The following CACNG6 variants were observed in gnomAD, a reference collection of about 807,000 sequenced individuals.
CACNG6 encodes the protein voltage-dependent calcium channel gamma-6 subunit.
A neutral mutation model predicts 23.9 loss-of-function variants in CACNG6; 21 were observed. The ratio of observed to expected loss-of-function variants is 0.88; its 90% CI spans 0.62 to 1.26. CACNG6 has a LOEUF of 1.26. Among genes scored for constraint, CACNG6 ranks in the 50% most tolerant of loss-of-function variants. The pLI, the probability that CACNG6 is intolerant of heterozygous loss-of-function variation, is 0.00. For synonymous variants in CACNG6, 182 were observed against 168.9 expected (o/e 1.08, Z -0.60); for missense variants, 340 against 352.9 (o/e 0.96, Z 0.29).
At chr19:54,009,913 AACTCCG>A (rs2069687002) in intron 3 of CACNG6, among the ~76,000 whole-genome samples, 1 of 150,160 alleles carries the variant, frequency 6.7e-6, no homozygotes. Context: ...GTAAGAGCGA[AACTCCG>A]TCTCAAAAAA....
rs113933127 is a variant in CACNG6 at position 53,998,287 on chromosome 19, G to A, written c.380G>A (p.Arg127His). The A allele has an allele frequency of 3.6e-5, 58 of 1,613,980 alleles. No individual in the cohort carries two copies. The highest frequency in any genetic ancestry group is 1.9e-4 in the African/African-American group (14 of 74,994). The change falls in exon 2 of 4, where the codon CGC (arginine) becomes CAC (histidine). Residue 127 changes from arginine to histidine, a missense_variant. By Grantham distance (29) the Arg-to-His change is conservative (BLOSUM62 0). Transcript: ENST00000252729. ...TTCTTCACCACGGGGGAGAATGCAC[G>A]CATCTTTCAGAGAACCACAAAGAAA... is the stretch of plus-strand genomic sequence containing the variant. ...FKFFTTGENARIFQRTTKKEV... is the reference protein window; with the variant it reads ...FKFFTTGENAHIFQRTTKKEV...
In CACNG6 at chr19:53,992,925, G is replaced by A; in HGVS notation, c.48G>A (p.Gly16=). Residue 16 remains glycine, a synonymous_variant, in exon 1 of 4, where the codon GGG becomes GGA. Transcript: ENST00000252729. The surrounding 1 kb of genome is among the most constrained non-coding windows in gnomAD (Gnocchi z 4.1). Reference sequence around the variant, plus strand: ...TGCAAGAGGAGAACCGGCGGCGGGGGGCCGCGGGCCGGCGGCGGGCGCACG... The same window carrying A: ...TGCAAGAGGAGAACCGGCGGCGGGGAGCCGCGGGCCGGCGGCGGGCGCACG... The part of the protein sequence containing the change: ...FFLQEENRRR[G]AAGRRRAHGQ... 2 of 1,397,896 alleles carry A rather than the reference G, an allele frequency of 1.4e-6. No individual in the cohort carries two copies. The highest frequency in any genetic ancestry group is 2.8e-5 in the East Asian group (1 of 36,106). 86.6% of individuals were successfully genotyped at this position (1,397,896 alleles called of 1,614,324 possible).
intron 1 of CACNG6, among the ~76,000 whole-genome samples, chr19:53,994,634 C>T (rs766504407): frequency 3.3e-5 from 5 of 152,200 alleles, no homozygotes; most frequent in Non-Finnish European, 7.3e-5. Context: ...AAAGACGGTC[C>T]TATCATCCCA....
intron 1 of CACNG6, among the ~76,000 whole-genome samples, chr19:53,995,982 T>A (rs2069517290): frequency 6.6e-6 from 1 of 152,190 alleles, no homozygotes. Flanking sequence ...TACCTCTTGC[T>A]GCTGCATAAG....
At chr19:54,007,992 TG>T (rs1231037264) in intron 3 of CACNG6, among the ~76,000 whole-genome samples, 2 of 152,124 alleles carry the variant, frequency 1.3e-5, no homozygotes, top group Admixed American at 1.3e-4. Context: ...TCTGTAATGT[TG>T]GGCTGCATGG....
chr19:54,011,966 T>C lies in CACNG6; in HGVS notation c.560T>C (p.Val187Ala), dbSNP rs780438713. Residue 187 changes from valine (V) to alanine (A), a missense_variant, in exon 4 of 4, where the codon GTG becomes GCG. Val to Ala is a moderately conservative substitution (Grantham distance 64). Transcript: ENST00000252729. Reference protein sequence around the residue: ...CFGLSGLLLLVSLEVFRHSVR... With the variant: ...CFGLSGLLLLASLEVFRHSVR... ...TCTCCCGCAGGCCTGCTGCTCTTGG[T>C]GAGCCTGGAGGTGTTCCGGCATTCC... 6.5e-7 allele frequency: 1 copy of C among 1,541,172 alleles called. No individual in the cohort carries two copies. The highest frequency in any genetic ancestry group is 2.1e-5 in the Admixed American group (1 of 47,858).
chr19:54,004,103 C>A (rs935171726), intron 3 of CACNG6, among the ~76,000 whole-genome samples: 31 of 152,076 alleles, frequency 2.0e-4, no homozygotes, highest in Non-Finnish European at 4.4e-5. Context: ...GCAGTCCTCT[C>A]GCTTCAGCCT....
At chr19:53,993,377 T>C (rs578197628) in intron 1 of CACNG6, among the ~76,000 whole-genome samples, 169 bp downstream of exon 1, 1 of 152,164 alleles carries the variant, frequency 6.6e-6, no homozygotes, top group East Asian at 1.9e-4. Context: ...TCTCAGAAAC[T>C]GCTGAGAGAT....
intron 3 of CACNG6, among the ~76,000 whole-genome samples, chr19:54,007,786 C>A (rs748829530): frequency 2.0e-5 from 3 of 151,540 alleles, no homozygotes; most frequent in African/African-American, 7.3e-5. Context: ...GTCCCAGCTA[C>A]TCAGGAGGCT....
intron 3 of CACNG6, among the ~76,000 whole-genome samples, chr19:54,004,519 C>G (rs1478868862): frequency 1.3e-5 from 2 of 152,062 alleles, no homozygotes; most frequent in Non-Finnish European, 2.9e-5. Context: ...CGCCTGGCCC[C>G]TAAGTGATAC....
In CACNG6 at chr19:54,004,331, A is replaced by T. The variant is rs574221906; in HGVS notation, c.544+4560A>T. 1.4e-3 allele frequency among the ~76,000 whole-genome samples: 116 copies of T among 84,334 alleles called. 1 individual carries two copies. The highest frequency in any genetic ancestry group is 7.6e-3 in the African/African-American group (108 of 14,220). 55.3% of individuals were successfully genotyped at this position (84,334 alleles called of 152,430 possible). On this transcript the variant is annotated intron_variant, in intron 3 of 3. Coordinates refer to ENST00000252729, the MANE Select transcript of CACNG6 (RefSeq NM_145814.2). ...CGCCACCACGCCTGGTTAATTTTGTATTTTTGTGTGTGTGTGTGTGTGTGT... is the reference window on the plus strand; with the variant it reads ...CGCCACCACGCCTGGTTAATTTTGTTTTTTTGTGTGTGTGTGTGTGTGTGT...
Position 54,011,953 on chromosome 19 carries a change from C to G in CACNG6, c.547C>G (p.Leu183Val), listed in dbSNP as rs1417090152. 3 of 1,516,724 alleles carry G rather than the reference C, an allele frequency of 2.0e-6. No homozygotes were observed. The highest frequency in any genetic ancestry group is 2.6e-6 in the Non-Finnish European group (3 of 1,132,946). 94.0% of individuals were successfully genotyped at this position (1,516,724 alleles called of 1,614,324 possible). The change falls in exon 4 of 4, where the codon CTG (leucine) becomes GTG (valine). Residue 183 changes from leucine to valine, a missense_variant and splice_region_variant. Transcript: ENST00000252729. The stretch of plus-strand genomic sequence containing the variant: ...GCGAGCTGTCCTCTCTCCCGCAGGC[C>G]TGCTGCTCTTGGTGAGCCTGGAGGT... ...VGAVCFGLSG[L>V]LLLVSLEVFR... is the part of the protein sequence containing the mutation.
Position 53,999,893 on chromosome 19 carries a change from C to G in CACNG6, c.544+122C>G. Reference sequence around the variant, plus strand: ...CACGCTCAGAGATGGAATCTCTATGCACTGTTGCATGCTGGGAGTAGGGTC... The same window carrying G: ...CACGCTCAGAGATGGAATCTCTATGGACTGTTGCATGCTGGGAGTAGGGTC... On this transcript the variant is annotated intron_variant, in intron 3 of 3. Transcript: ENST00000252729. 3.2e-6 allele frequency: 4 copies of G among 1,241,954 alleles called. No homozygotes were observed. In the South Asian group the frequency reaches 4.3e-5, roughly 13 times the overall value. 76.9% of individuals were successfully genotyped at this position (1,241,954 alleles called of 1,614,324 possible).
At chr19:54,004,743 G>A (rs538635346) in intron 3 of CACNG6, among the ~76,000 whole-genome samples, 103 of 152,126 alleles carry the variant, frequency 6.8e-4, no homozygotes, top group African/African-American at 2.4e-3. Context: ...GTGTTTTCCC[G>A]GGCTGCCTCC....
At chr19:53,994,832 C>A (rs542055973) in intron 1 of CACNG6, among the ~76,000 whole-genome samples, 1 of 152,258 alleles carries the variant, frequency 6.6e-6, no homozygotes, top group African/African-American at 2.4e-5. Flanking sequence ...AGATGGGCTA[C>A]CCTTGATCAT....
chr19:53,996,607 G>T (rs555204898), intron 1 of CACNG6, among the ~76,000 whole-genome samples: 1 of 152,108 alleles, frequency 6.6e-6, no homozygotes, highest in South Asian at 2.1e-4. Flanking sequence ...TGACAAGGCT[G>T]GTCTCGAACT....
Position 53,998,219 on chromosome 19 carries a change from T to TC in CACNG6, c.332-19dup, listed in dbSNP as rs1196803088. 6.2e-7 allele frequency: 1 copy of TC among 1,610,294 alleles called. No individual in the cohort carries two copies. The highest frequency in any genetic ancestry group is 8.5e-7 in the Non-Finnish European group (1 of 1,176,762). ...GGACCTCACATCCTCATGTCTGTTT[T>TC]CTCTCTCCTGCTCCCACAGAAGCAA... On this transcript the variant is annotated intron_variant, in intron 1 of 3. Coordinates refer to ENST00000252729, the MANE Select transcript of CACNG6 (RefSeq NM_145814.2).
chr19:54,010,880 C>G (rs751176708), intron 3 of CACNG6, among the ~76,000 whole-genome samples: 1 of 152,032 alleles, frequency 6.6e-6, no homozygotes, highest in Non-Finnish European at 1.5e-5. Flanking sequence ...AGCACCCAGC[C>G]TCCTCTTTTA....
chr19:54,002,400 T>A (rs1435668372), intron 3 of CACNG6, among the ~76,000 whole-genome samples: 1 of 150,468 alleles, frequency 6.6e-6, no homozygotes, highest in East Asian at 1.9e-4. Flanking sequence ...ATTATAGGTA[T>A]GAGCCACCAA....
Sources: allele counts gnomAD v4.1 joint callset (sites outside exome capture counted in the v4.1 genomes callset), GRCh38; gene constraint gnomAD v4.1.1; non-coding constraint Gnocchi (gnomAD v3.1); transcripts MANE v1.5; gene names NCBI Gene and HGNC (gene_info 2026-07-23, HGNC 2026-07-21).